TRIM23: variants seen among roughly 807,000 people sequenced by gnomAD.
TRIM23 encodes the protein E3 ubiquitin-protein ligase TRIM23.
In TRIM23, 27 loss-of-function variants were observed where a neutral mutation model predicts 71.0. The ratio of observed to expected loss-of-function variants is 0.38; its 90% CI spans 0.28 to 0.52. TRIM23 has a LOEUF of 0.52. Ranked by LOEUF, TRIM23 falls within the 20% of genes least tolerant of loss-of-function variation. TRIM23 has a pLI of 0.84. For synonymous variants in TRIM23, 234 were observed against 238.0 expected (o/e 0.98, Z 0.16); for missense variants, 482 against 692.3 (o/e 0.70, Z 3.41).
rs1046385397 is a variant in TRIM23 at position 65,595,247 on chromosome 5, T to TA, written c.1421-603dup. Among the ~76,000 whole-genome samples, 214 of 150,798 alleles carry TA rather than the reference T, an allele frequency of 1.4e-3. 1 individual carries two copies. Among genetic ancestry groups the TA allele is most frequent in the African/African-American group, 4.1e-3 (168 of 41,072 alleles). ...CAATATAGTGAGACCTTATCTCTATTAAAAAAAAATTAAAAATTAGCTGAA... is the reference window on the plus strand; with the variant it reads ...CAATATAGTGAGACCTTATCTCTATTAAAAAAAAAATTAAAAATTAGCTGAA... On this transcript the variant is annotated intron_variant, in intron 9 of 10. Coordinates refer to ENST00000231524, the MANE Select transcript of TRIM23 (RefSeq NM_001656.4).
intron 9 of TRIM23, 22 bp from the exon 10 acceptor site, chr5:65,594,667 A>G (rs954403227): frequency 2.6e-6 from 4 of 1,535,728 alleles, no homozygotes; most frequent in African/African-American, 1.4e-5. Flanking sequence ...AAAATAAAAA[A>G]AACAAAAATA....
chr5:65,605,160 A>G (rs1754462723), intron 6 of TRIM23, 115 bp from the exon 7 acceptor site: 1 of 978,824 alleles, frequency 1.0e-6, no homozygotes, highest in Non-Finnish European at 1.4e-6. Flanking sequence ...TCAAAGTTAA[A>G]TGTAAATTTG....
At chr5:65,618,985 T>C (rs1754846908) in intron 1 of TRIM23, among the ~76,000 whole-genome samples, 1 of 152,354 alleles carries the variant, frequency 6.6e-6, no homozygotes, top group African/African-American at 2.4e-5. Context: ...GTTTTACAAA[T>C]AGTCAACAAA....
chr5:65,614,263 C>CT, intron 2 of TRIM23, 44 bp from the exon 3 acceptor site: 1 of 1,563,282 alleles, frequency 6.4e-7, no homozygotes. Flanking sequence ...ACAAAATGGA[C>CT]TATTAATCAT....
intron 2 of TRIM23, among the ~76,000 whole-genome samples, chr5:65,616,501 G>T (rs1354646381): frequency 6.6e-6 from 1 of 151,680 alleles, no homozygotes; most frequent in Admixed American, 6.6e-5. Flanking sequence ...AATTAGTCAG[G>T]CGTGGTGGCA....
At chr5:65,596,582 T>C in intron 8 of TRIM23, 51 bp from the exon 9 acceptor site, 3 of 1,114,522 alleles carry the variant, frequency 2.7e-6, no homozygotes, top group Non-Finnish European at 4.0e-6. Flanking sequence ...TTACAATGAA[T>C]GACATATCAA....
chr5:65,591,697 T>C lies in TRIM23; in HGVS notation c.*72A>G. On this transcript the variant is annotated 3_prime_UTR_variant, in exon 11 of 11. Coordinates refer to ENST00000231524, the MANE Select transcript of TRIM23 (RefSeq NM_001656.4). ...CTAAATTACCATCTTTTGAGATGTA[T>C]AATTTCTTAAAACATACTATGTGCA... The C allele has an allele frequency of 7.0e-7, 1 of 1,437,218 alleles. No individual in the cohort carries two copies. The highest frequency in any genetic ancestry group is 9.2e-7 in the Non-Finnish European group (1 of 1,082,386). 89.0% of individuals were successfully genotyped at this position (1,437,218 alleles called of 1,614,324 possible).
intron 3 of TRIM23, among the ~76,000 whole-genome samples, chr5:65,612,660 C>T (rs145440361): frequency 0.01 from 1,540 of 151,924 alleles, 29 homozygotes; most frequent in African/African-American, 0.035. Context: ...CTCTACTAAA[C>T]ATCCAAAAAT....
In TRIM23 at chr5:65,618,211, T is replaced by C; in HGVS notation, c.126A>G (p.Gly42=). Residue 42 remains glycine (G), a synonymous_variant, in exon 2 of 11, where the codon GGA becomes GGG. Transcript: ENST00000231524. Reference sequence around the variant, plus strand: ...AAAGCAAAAGACGGGGAACTTTGTCTCCTTGCAAAGAAAAGACATCTTCAC... The same window carrying C: ...AAAGCAAAAGACGGGGAACTTTGTCCCCTTGCAAAGAAAAGACATCTTCAC... ...GVCEDVFSLQ[G]DKVPRLLLCG... is the part of the protein sequence containing the mutation. 1.9e-6 allele frequency: 3 copies of C among 1,614,106 alleles called. No homozygotes were observed. The highest frequency in any genetic ancestry group is 2.5e-6 in the Non-Finnish European group (3 of 1,179,996).
At chr5:65,603,104 T>C (rs1170523701) in intron 7 of TRIM23, among the ~76,000 whole-genome samples, 1 of 152,082 alleles carries the variant, frequency 6.6e-6, no homozygotes, top group African/African-American at 2.4e-5. Flanking sequence ...AGGTATCTAG[T>C]CAAATTCATA....
chr5:65,597,234 A>AG, intron 7 of TRIM23, 54 bp from the exon 8 acceptor site: 9 of 1,555,796 alleles, frequency 5.8e-6, no homozygotes, highest in Non-Finnish European at 7.9e-6. Context: ...AAGTAATAGC[A>AG]TTTAGCACCT....
intron 7 of TRIM23, among the ~76,000 whole-genome samples, chr5:65,602,720 C>A (rs1210638824): frequency 6.6e-6 from 1 of 152,068 alleles, no homozygotes; most frequent in Admixed American, 6.6e-5. Flanking sequence ...TGGCAGGGGG[C>A]AAAAGGTACT....
In TRIM23 at chr5:65,611,876, G is replaced by C; in HGVS notation, c.372C>G (p.Ile124Met). Residue 124 changes from isoleucine to methionine, a missense_variant, in exon 4 of 11, where the codon ATC (isoleucine) becomes ATG (methionine). Around this residue, in one of 2 missense-constraint regions of TRIM23, gnomAD observed 175 missense variants for 196.5 expected, o/e 0.89. Coordinates refer to ENST00000231524, the MANE Select transcript of TRIM23 (RefSeq NM_001656.4). ...EESIGISGESIIRCDEDEAHL... is the reference protein window; with the variant it reads ...EESIGISGESMIRCDEDEAHL... The stretch of plus-strand genomic sequence containing the variant: ...GAGCTTCATCTTCATCACAACGAAT[G>C]ATGCTCTGATAAACAAAAAATTAAT... The C allele has an allele frequency of 6.2e-7, 1 of 1,607,592 alleles. No homozygotes were observed. Among genetic ancestry groups the C allele is most frequent in the African/African-American group, 1.3e-5 (1 of 74,870 alleles).
In TRIM23 at chr5:65,609,405, A is replaced by T. The variant is rs1259755406; in HGVS notation, c.882T>A (p.Asp294Glu). 3 of 1,614,166 alleles carry T rather than the reference A, an allele frequency of 1.9e-6. No individual in the cohort carries two copies. The highest frequency in any genetic ancestry group is 2.5e-6 in the Non-Finnish European group (3 of 1,180,030). The change falls in exon 6 of 11, where the codon GAT becomes GAA. Residue 294 changes from aspartate (D) to glutamate (E), a missense_variant. Physicochemically the swap from Asp to Glu is conservative, Grantham distance 45 (BLOSUM62 2). Coordinates refer to ENST00000231524, the MANE Select transcript of TRIM23 (RefSeq NM_001656.4). ...CTTGACGACACAGAGTTTCATGTAG[A>T]TCATAAAAATAAGCTCGAATACATG... ...ARSCIRAYFY[D>E]LHETLCRQEE...
At chr5:65,596,923 G>T in intron 8 of TRIM23, 128 bp downstream of exon 8, 1 of 1,168,982 alleles carries the variant, frequency 8.6e-7, no homozygotes. Flanking sequence ...TTTTTTCTCT[G>T]AGATGCTGAT....
Position 65,591,076 on chromosome 5 carries a change from G to C in TRIM23, c.*693C>G. ...CAATTACTTCCACAGTTTTATTACTGTTCAGTTTATTACTAACCTGACAAG... is the reference window on the plus strand; with the variant it reads ...CAATTACTTCCACAGTTTTATTACTCTTCAGTTTATTACTAACCTGACAAG... On this transcript the variant is annotated 3_prime_UTR_variant, in exon 11 of 11. Transcript: ENST00000231524. 1 of 1,003,614 alleles carries C rather than the reference G, an allele frequency of 1.0e-6. No individual in the cohort carries two copies. The highest frequency in any genetic ancestry group is 1.2e-6 in the Non-Finnish European group (1 of 842,490). The allele number at this position is 1,003,614 out of a possible 1,614,324, so 62.2% of individuals were successfully genotyped here. A position where few individuals can be genotyped will look rare whatever the true frequency, so the allele number is the denominator to read the frequency against.
chr5:65,615,397 G>A (rs1361209501), intron 2 of TRIM23, among the ~76,000 whole-genome samples: 1 of 152,090 alleles, frequency 6.6e-6, no homozygotes, highest in Non-Finnish European at 1.5e-5. Context: ...AGGAATATTT[G>A]TTATGGTAAA....
chr5:65,620,900 A>T (rs1242789879), intron 1 of TRIM23, among the ~76,000 whole-genome samples: 3 of 132,058 alleles, frequency 2.3e-5, no homozygotes, highest in Non-Finnish European at 4.9e-5. Flanking sequence ...ACACAGCGAG[A>T]CCCTGTCTCT....
intron 3 of TRIM23, among the ~76,000 whole-genome samples, chr5:65,613,283 T>G (rs1164239728): frequency 1.3e-5 from 2 of 152,214 alleles, no homozygotes; most frequent in Non-Finnish European, 2.9e-5. Flanking sequence ...ACTGCATAAC[T>G]TTTAGAAAAC....
Sources: allele counts gnomAD v4.1 joint callset (sites outside exome capture counted in the v4.1 genomes callset), GRCh38; gene constraint gnomAD v4.1.1; regional missense constraint gnomAD v4.1.1; transcripts MANE v1.5; gene names NCBI Gene and HGNC (gene_info 2026-07-23, HGNC 2026-07-21).